The following TMEM72 variants were observed in gnomAD, a reference collection of about 807,000 sequenced individuals.
TMEM72 encodes the protein kidney-specific secretory protein of 37 kDa.
TMEM72 carries 9 observed loss-of-function variants against 16.3 expected under a neutral mutation model. The ratio of observed to expected loss-of-function variants is 0.55; its 90% CI spans 0.33 to 0.96. TMEM72 has a LOEUF of 0.96. Ranked by LOEUF, TMEM72 falls within the 40% of genes least tolerant of loss-of-function variation. The pLI, the probability that TMEM72 is intolerant of heterozygous loss-of-function variation, is 0.03. For missense variants in TMEM72, 324 were observed against 337.8 expected (o/e 0.96, Z 0.32); for synonymous variants, 160 against 146.5 (o/e 1.09, Z -0.66).
intron 3 of TMEM72, 38 bp downstream of exon 3, chr10:44,932,107 C>A (rs1272874821): frequency 6.3e-7 from 1 of 1,597,156 alleles, no homozygotes; most frequent in Non-Finnish European, 8.5e-7. Context: ...ATTGTCCACC[C>A]CAGCCCCAGA....
In TMEM72 at chr10:44,935,012, G is replaced by A. The variant is rs372665382; in HGVS notation, c.706G>A (p.Ala236Thr). The change falls in exon 5 of 5, where the codon GCC becomes ACC. Residue 236 changes from alanine (A) to threonine (T), a missense_variant. Ala to Thr is a moderately conservative substitution (Grantham distance 58). Transcript: ENST00000389583. ...DNLVRIVPSL[A>T]EGLDDGDSEP... ...CTTGGTCCGCATAGTCCCCTCCCTCGCCGAAGGTCTGGATGATGGGGACAG... is the reference window on the plus strand; with the variant it reads ...CTTGGTCCGCATAGTCCCCTCCCTCACCGAAGGTCTGGATGATGGGGACAG... 5.6e-5 allele frequency: 91 copies of A among 1,613,832 alleles called. No homozygotes were observed. The highest frequency in any genetic ancestry group is 1.6e-4 in the Middle Eastern group (1 of 6,084).
In TMEM72 at chr10:44,932,032, G is replaced by A; in HGVS notation, c.172G>A (p.Ala58Thr). The A allele has an allele frequency of 6.2e-7, 1 of 1,613,434 alleles. No homozygotes were observed. The highest frequency in any genetic ancestry group is 8.5e-7 in the Non-Finnish European group (1 of 1,179,760). ...AGCCGCTGTCTCCATATGTGAAGGG[G>A]CCTACTTTGTGGCTCAGCTGCTGGC... is the stretch of plus-strand genomic sequence containing the variant. ...TGAAVSICEG[A>T]YFVAQLLAIC... Residue 58 changes from alanine (A) to threonine (T), a missense_variant, in exon 3 of 5, where the codon GCC (alanine) becomes ACC (threonine). Transcript: ENST00000389583.
At position 44,931,311 on chromosome 10, in the gene TMEM72, T is replaced by C. The variant is rs529553409; in HGVS notation, c.138-687T>C. Among the ~76,000 whole-genome samples the C allele has an allele frequency of 5.9e-5, 9 of 152,344 alleles. No homozygotes were observed. In the East Asian group the frequency reaches 1.7e-3, roughly 29 times the overall value. On this transcript the variant is annotated intron_variant, in intron 2 of 4. Transcript: ENST00000389583. ...GAGTCTAGGGGTGGCCTGGGAGCCA[T>C]GAATTCTACACATTCCTCAGGAGAT...
At chr10:44,933,565 G>T (rs1840340418) in intron 3 of TMEM72, 72 bp from the exon 4 acceptor site, 23 of 1,553,710 alleles carry the variant, frequency 1.5e-5, no homozygotes, top group Non-Finnish European at 1.9e-5. Context: ...GCCTGGCCCA[G>T]ACTCCATGGC....
intron 1 of TMEM72, 21 bp from the exon 2 acceptor site, chr10:44,927,900 C>T: frequency 6.2e-7 from 1 of 1,613,552 alleles, no homozygotes; most frequent in Non-Finnish European, 8.5e-7. Flanking sequence ...GCCCACTCTT[C>T]CTTCTTCTCT....
At position 44,933,763 on chromosome 10, in the gene TMEM72, C is replaced by T. The variant is rs752920409; in HGVS notation, c.336C>T (p.His112=). The T allele has an allele frequency of 8.4e-5, 135 of 1,613,710 alleles. No individual in the cohort carries two copies. Among genetic ancestry groups the T allele is most frequent in the Middle Eastern group, 1.7e-4 (1 of 6,056 alleles). The part of the protein sequence containing the change: ...ACFLHPVLVW[H]VTIPGSMLII... Reference sequence around the variant, plus strand: ...TCCTCCACCCGGTCCTGGTCTGGCACGTGACCATCCCAGGTAAGAGCACAG... The same window carrying T: ...TCCTCCACCCGGTCCTGGTCTGGCATGTGACCATCCCAGGTAAGAGCACAG... The change falls in exon 4 of 5, where the codon CAC becomes CAT. Residue 112 remains histidine (H), a synonymous_variant. Transcript: ENST00000389583.
intron 2 of TMEM72, among the ~76,000 whole-genome samples, chr10:44,928,429 C>A (rs1005300898): frequency 2.6e-5 from 4 of 151,728 alleles, no homozygotes; most frequent in Admixed American, 2.0e-4. Context: ...TACCTATCCA[C>A]TTGCCTATCC....
At chr10:44,932,790 C>T (rs1197075897) in intron 3 of TMEM72, among the ~76,000 whole-genome samples, 1 of 152,230 alleles carries the variant, frequency 6.6e-6, no homozygotes, top group African/African-American at 2.4e-5. Flanking sequence ...CTTGAAACTT[C>T]AGCTGGGGAG....
At chr10:44,930,093 T>C (rs1415299279) in intron 2 of TMEM72, among the ~76,000 whole-genome samples, 3 of 152,094 alleles carry the variant, frequency 2.0e-5, no homozygotes, top group Non-Finnish European at 4.4e-5. Flanking sequence ...CCCTGTTTTG[T>C]CTCTGTTTTG....
chr10:44,927,890 G>A (rs1352807323), intron 1 of TMEM72, 31 bp from the exon 2 acceptor site: 1 of 1,606,986 alleles, frequency 6.2e-7, no homozygotes, highest in Admixed American at 1.7e-5. Context: ...AGAGCACCAG[G>A]CCCACTCTTC....
rs1840229612 is a variant in TMEM72 at position 44,928,118 on chromosome 10, G to A, written c.137+131G>A. ...CCATCCTATCTCAGGGGTGAAGGGA[G>A]TTGAGGGGGGCTCTAGAATAGCTCC... On this transcript the variant is annotated intron_variant, in intron 2 of 4. Transcript: ENST00000389583. The A allele has an allele frequency of 3.1e-6, 3 of 971,788 alleles. No homozygotes were observed. The African/African-American group carries it at 4.8e-5, about 16-fold the overall frequency. The allele number at this position is 971,788 out of a possible 1,614,324, so 60.2% of individuals were successfully genotyped here.
Position 44,931,345 on chromosome 10 carries a change from C to A in TMEM72, c.138-653C>A, listed in dbSNP as rs151118868. Reference sequence around the variant, plus strand: ...CACATTCCTCAGGAGATGCTGATTGCAGGATCCATGGACCACACTGGGAGC... The same window carrying A: ...CACATTCCTCAGGAGATGCTGATTGAAGGATCCATGGACCACACTGGGAGC... On this transcript the variant is annotated intron_variant, in intron 2 of 4. Transcript: ENST00000389583. Among the ~76,000 whole-genome samples, 712 of 152,286 alleles carry A rather than the reference C, an allele frequency of 4.7e-3. 7 individuals are homozygous for A. The highest frequency in any genetic ancestry group is 0.016 in the African/African-American group (673 of 41,534).
At chr10:44,926,984 G>C (rs922665404) in intron 1 of TMEM72, among the ~76,000 whole-genome samples, 1 of 152,126 alleles carries the variant, frequency 6.6e-6, no homozygotes, top group Non-Finnish European at 1.5e-5. Flanking sequence ...GCAGCGCCAC[G>C]AGCAGCAGGG....
At position 44,936,856 on chromosome 10, in the gene TMEM72, G is replaced by A. The variant is rs1284079046; in HGVS notation, c.*1722G>A. ...TGGCCACAGACACCCTCATGGCACA[G>A]ACATGGCCAGCCTCTGACGTTCCTC... On this transcript the variant is annotated 3_prime_UTR_variant, in exon 5 of 5. Coordinates refer to ENST00000389583, the MANE Select transcript of TMEM72 (RefSeq NM_001123376.3). 6.6e-6 allele frequency: 1 copy of A among 152,280 alleles called. No individual in the cohort carries two copies. Among genetic ancestry groups the A allele is most frequent in the Non-Finnish European group, 1.5e-5 (1 of 68,070 alleles). 9.4% of individuals were successfully genotyped at this position (152,280 alleles called of 1,614,324 possible).
chr10:44,914,414 A>G (rs1839983926), intron 1 of TMEM72, among the ~76,000 whole-genome samples: 1 of 152,150 alleles, frequency 6.6e-6, no homozygotes, highest in African/African-American at 2.4e-5. Flanking sequence ...CTGGCTCAGG[A>G]TGTGGGGTTG....
intron 1 of TMEM72, among the ~76,000 whole-genome samples, chr10:44,912,889 G>A (rs61853978): frequency 0.018 from 2,754 of 152,296 alleles, 39 homozygotes; most frequent in Middle Eastern, 0.065. Context: ...CCTGCTACAG[G>A]ATGGGGCACC....
chr10:44,924,103 C>T (rs892488827), intron 1 of TMEM72, among the ~76,000 whole-genome samples: 3 of 152,200 alleles, frequency 2.0e-5, no homozygotes, highest in African/African-American at 4.8e-5. Context: ...AATCTAAACA[C>T]GAGTCCCTTC....
intron 1 of TMEM72, among the ~76,000 whole-genome samples, chr10:44,922,753 T>G (rs1295256270): frequency 1.3e-5 from 2 of 152,238 alleles, no homozygotes; most frequent in South Asian, 4.1e-4. Flanking sequence ...TAGGATTCCA[T>G]GACCCAGTGG....
At chr10:44,932,646 G>C (rs910154623) in intron 3 of TMEM72, among the ~76,000 whole-genome samples, 9 of 152,188 alleles carry the variant, frequency 5.9e-5, no homozygotes, top group African/African-American at 2.2e-4. Context: ...CTGGTCCCTG[G>C]GTGGTCAGTG....
Sources: gnomAD v4.1 joint callset for allele counts (sites outside exome capture counted in the v4.1 genomes callset) on GRCh38, gnomAD v4.1.1 for gene constraint, MANE v1.5 for transcripts, NCBI Gene and HGNC (gene_info 2026-07-23, HGNC 2026-07-21) for gene names.